Variants in PIDD1 observed in about 807,000 individuals in gnomAD.
PIDD1 encodes p53-induced death domain-containing protein 1.
Under a neutral mutation model 80.0 loss-of-function variants are expected in PIDD1, and 72 were observed. The observed-to-expected ratio is 0.90, with a 90% CI of 0.74 to 1.09. The LOEUF (loss-of-function observed/expected upper bound fraction) is 1.09. PIDD1 is among the 50% of genes least tolerant of loss of function. The pLI, the probability that PIDD1 is intolerant of heterozygous loss-of-function variation, is 0.00. For missense variants in PIDD1, 1,329 were observed against 1,228.3 expected (o/e 1.08, Z -1.23); for synonymous variants, 655 against 543.5 (o/e 1.21, Z -2.85).
At position 801,485 on chromosome 11, in the gene PIDD1, G is replaced by C. The variant is rs752052932; in HGVS notation, c.1442C>G (p.Pro481Arg). Residue 481 changes from proline to arginine, a missense_variant, in exon 8 of 16, where the codon CCC becomes CGC. By Grantham distance (103) the Pro-to-Arg change is moderately radical. Transcript: ENST00000347755. ...SGHPGVKVIF[P>R]PGATEEPRRV... Reference sequence around the variant, plus strand: ...ACGAGGCTCCTCAGTGGCCCCAGGGGGGAAGATGACTTTGACCCCAGGATG... The same window carrying C: ...ACGAGGCTCCTCAGTGGCCCCAGGGCGGAAGATGACTTTGACCCCAGGATG... 3.2e-6 allele frequency: 5 copies of C among 1,547,668 alleles called. No individual in the cohort carries two copies. The highest frequency in any genetic ancestry group is 2.4e-5 in the South Asian group (2 of 82,254).
intron 3 of PIDD1, 137 bp from the exon 4 acceptor site, chr11:803,028 G>A: frequency 1.0e-6 from 1 of 968,224 alleles, no homozygotes; most frequent in Admixed American, 2.4e-5. Context: ...AAGCCACTGA[G>A]GGAGTCTCAA....
intron 3 of PIDD1, 62 bp downstream of exon 3, chr11:803,112 G>A (rs143607801): frequency 2.1e-5 from 27 of 1,256,328 alleles, no homozygotes; most frequent in Non-Finnish European, 2.8e-5. Flanking sequence ...CCCTGCAGAA[G>A]ACAGGCAGGC....
rs1249405531 is a variant in PIDD1, at chr11:802,720, G to A, written c.881C>T (p.Pro294Leu). ...DAPFVRLQGN[P>L]LGEASPDAPS... Reference sequence around the variant, plus strand: ...GGCGTCTGGCGAGGCCTCACCCAGGGGGTTCCCCTGCAGGCGCACAAAGGG... The same window carrying A: ...GGCGTCTGGCGAGGCCTCACCCAGGAGGTTCCCCTGCAGGCGCACAAAGGG... Residue 294 changes from proline to leucine, a missense_variant, in exon 4 of 16, where the codon CCC becomes CTC. Pro to Leu is a moderately conservative substitution (Grantham distance 98). Transcript: ENST00000347755. The A allele has an allele frequency of 3.1e-6, 5 of 1,611,964 alleles. No individual in the cohort carries two copies. The highest frequency in any genetic ancestry group is 4.2e-6 in the Non-Finnish European group (5 of 1,179,506).
chr11:804,676 C>A, intron 1 of PIDD1: 1 of 431,846 alleles, frequency 2.3e-6, no homozygotes, highest in Non-Finnish European at 4.1e-6. Flanking sequence ...CTCGCAGGAG[C>A]ACCGGGCAGG....
In PIDD1 at chr11:802,836, C is replaced by G; in HGVS notation, c.765G>C (p.Val255=). 1 of 1,594,980 alleles carries G rather than the reference C, an allele frequency of 6.3e-7. No homozygotes were observed. The highest frequency in any genetic ancestry group is 1.1e-5 in the South Asian group (1 of 88,590). Residue 255 remains valine (V), a synonymous_variant, in exon 4 of 16, where the codon GTG becomes GTC. Transcript: ENST00000347755. ...LVLHSNLLAS[V]PADLARLPLL... is the part of the protein sequence containing the mutation. ...GTGGAAGGCGGGCCAAGTCAGCTGG[C>G]ACAGAGGCCAGGAGGTTGCTGTGCA...
At chr11:809,391 A>G (rs1057480029), upstream of PIDD1, 1 of 152,244 alleles carries the variant, frequency 6.6e-6, no homozygotes, top group African/African-American at 2.4e-5. Context: ...GCAGTCGCTA[A>G]GTCCGAGGCG....
At chr11:806,289 T>C (rs567861026), upstream of PIDD1, among the ~76,000 whole-genome samples, 2 of 151,816 alleles carry the variant, frequency 1.3e-5, no homozygotes, top group South Asian at 4.2e-4. Context: ...CACCACCAGC[T>C]ATGCCTGCTT....
chr11:803,514 G>A lies in PIDD1; in HGVS notation c.369C>T (p.Gly123=). 2.5e-6 allele frequency: 4 copies of A among 1,613,404 alleles called. No individual in the cohort carries two copies. The highest frequency in any genetic ancestry group is 1.6e-4 in the Middle Eastern group (1 of 6,062). ...GGTCCAGGTGGGCCAGATGGGCCAG[G>A]CCACTCAGACCAGCGGGCAGGTTGG... is the stretch of plus-strand genomic sequence containing the variant. ...ALTNLPAGLS[G]LAHLAHLDLS... The change falls in exon 3 of 16, where the codon GGC becomes GGT. Residue 123 remains glycine, a synonymous_variant. Coordinates refer to ENST00000347755, the MANE Select transcript of PIDD1 (RefSeq NM_145886.4).
intron 4 of PIDD1, 42 bp from the exon 5 acceptor site, chr11:802,639 T>A (rs1255185373): frequency 6.2e-7 from 1 of 1,605,160 alleles, no homozygotes. Context: ...GTGAGGAGAC[T>A]CATGTCCTAT....
In PIDD1 at chr11:799,358, G is replaced by T. The variant is rs11820580; in HGVS notation, c.2682C>A (p.Pro894=). The T allele has an allele frequency of 7.4e-6, 12 of 1,610,888 alleles. No homozygotes were observed. Among genetic ancestry groups the T allele is most frequent in the Non-Finnish European group, 9.3e-6 (11 of 1,179,676 alleles). The change falls in exon 16 of 16, where the codon CCC becomes CCA. Residue 894 remains proline (P), a synonymous_variant. Transcript: ENST00000347755. ...GTGGAGCCGAGGAGCCAGGCAGAGC[G>T]GGGTCCTTGGGGGCCAAGCCCATGC... is the stretch of plus-strand genomic sequence containing the variant. ...IRRMGLAPKD[P]ALPGSSAPQP...
chr11:799,439 T>TTCAGCCACGTCC lies in PIDD1; in HGVS notation c.2589_2600dup (p.Asp864_Glu867dup). On this transcript the variant is annotated inframe_insertion, in exon 16 of 16. Coordinates refer to ENST00000347755, the MANE Select transcript of PIDD1 (RefSeq NM_145886.4). ...CGAGCTCCAAGACTGCGCGCACCTC[T>TTCAGCCACGTCC]TCAGCCACGTCCTGCCGGTCACTCT... The TTCAGCCACGTCC allele has an allele frequency of 6.2e-7, 1 of 1,610,962 alleles. No individual in the cohort carries two copies. Among genetic ancestry groups the TTCAGCCACGTCC allele is most frequent in the Non-Finnish European group, 8.5e-7 (1 of 1,179,884 alleles).
Position 799,462 on chromosome 11 carries a change from T to G in PIDD1, c.2578A>C (p.Ser860Arg). ...TCTTCAGCCACGTCCTGCCGGTCAC[T>G]CTGCTCCAGGGCCTGCACCAGGAGC... ...VGLLVQALEQSDRQDVAEEVR... is the reference protein window; with the variant it reads ...VGLLVQALEQRDRQDVAEEVR... The change falls in exon 16 of 16, where the codon AGT (serine) becomes CGT (arginine). Residue 860 changes from serine to arginine, a missense_variant. Ser to Arg is a moderately radical substitution (Grantham distance 110, BLOSUM62 -1). Transcript: ENST00000347755. The G allele has an allele frequency of 6.2e-7, 1 of 1,609,992 alleles. No individual in the cohort carries two copies. Among genetic ancestry groups the G allele is most frequent in the South Asian group, 1.1e-5 (1 of 91,078 alleles).
chr11:801,036 A>T lies in PIDD1; in HGVS notation c.1715T>A (p.Val572Asp), dbSNP rs980913772. Residue 572 changes from valine (V) to aspartate (D), a missense_variant, in exon 10 of 16, where the codon GTC becomes GAC. Coordinates refer to ENST00000347755, the MANE Select transcript of PIDD1 (RefSeq NM_145886.4). ...ATWDDITAQV[V>D]LELTHLYARF... ...TGCGTACAGGTGGGTGAGCTCCAGG[A>T]CCACCTGAGCTGTGATGTCATCCCA... 6.9e-6 allele frequency: 11 copies of T among 1,602,022 alleles called. No homozygotes were observed. Among genetic ancestry groups the T allele is most frequent in the Non-Finnish European group, 9.4e-6 (11 of 1,174,896 alleles).
Position 804,374 on chromosome 11 carries a change from C to T in PIDD1, c.15G>A (p.Val5=). The T allele has an allele frequency of 6.3e-7, 1 of 1,596,078 alleles. No individual in the cohort carries two copies. The highest frequency in any genetic ancestry group is 1.3e-5 in the African/African-American group (1 of 74,720). The change falls in exon 2 of 16, where the codon GTG becomes GTA. Residue 5 remains valine, a synonymous_variant. Coordinates refer to ENST00000347755, the MANE Select transcript of PIDD1 (RefSeq NM_145886.4). ...CAGCTGCCTCCAGCTCTGGCCCCTC[C>T]ACCGTTGCAGCCATCGCCCACCGAC... The part of the protein sequence containing the change: MAAT[V]EGPELEAAAA...
chr11:799,782 G>C (rs1565049123), intron 15 of PIDD1, 33 bp downstream of exon 15: 5 of 1,500,986 alleles, frequency 3.3e-6, no homozygotes, highest in Non-Finnish European at 4.5e-6. Context: ...CTCAGCCCTG[G>C]GGCTGGCAGC....
In PIDD1 at chr11:800,013, C is replaced by T. The variant is rs759146615; in HGVS notation, c.2276G>A (p.Arg759Lys). The T allele has an allele frequency of 6.2e-7, 1 of 1,612,706 alleles. No homozygotes were observed. Among genetic ancestry groups the T allele is most frequent in the Admixed American group, 1.7e-5 (1 of 60,022 alleles). Residue 759 changes from arginine to lysine, a missense_variant and splice_region_variant, in exon 15 of 16, where the codon AGA (arginine) becomes AAA (lysine). By Grantham distance (26) the Arg-to-Lys change is conservative (BLOSUM62 2). Transcript: ENST00000347755. ...CCGTGGCCCCTCGGACCCTCGAAGT[C>T]TCTGTTGGAAGGAAAAAGTGCATTA... ...WMATLPIKLP[R>K]LRGSEGPRRG... is the part of the protein sequence containing the mutation.
chr11:800,127 C>A lies in PIDD1; in HGVS notation c.2274+4G>T. 6.2e-7 allele frequency: 1 copy of A among 1,609,506 alleles called. No individual in the cohort carries two copies. Among genetic ancestry groups the A allele is most frequent in the Non-Finnish European group, 8.5e-7 (1 of 1,178,634 alleles). Reference sequence around the variant, plus strand: ...CCCGCCCCTCTGCTGTCCCTCAGTCCCACCGGCAGCTTGATGGGCAGAGTG... The same window carrying A: ...CCCGCCCCTCTGCTGTCCCTCAGTCACACCGGCAGCTTGATGGGCAGAGTG... On this transcript the variant is annotated splice_donor_region_variant and intron_variant, in intron 14 of 15. Coordinates refer to ENST00000347755, the MANE Select transcript of PIDD1 (RefSeq NM_145886.4).
Position 799,323 on chromosome 11 carries a change from T to C in PIDD1, c.2717A>G (p.Glu906Gly). ...LPGSSAPQPP[E>G]PAQA ...CTGTGGGGCCTAGGCCTGGGCAGGC[T>C]CTGGGGGCTGTGGAGCCGAGGAGCC... The change falls in exon 16 of 16, where the codon GAG becomes GGG. Residue 906 changes from glutamate to glycine, a missense_variant. Physicochemically the swap from Glu to Gly is moderately conservative, Grantham distance 98. Transcript: ENST00000347755. 2 of 1,604,202 alleles carry C rather than the reference T, an allele frequency of 1.2e-6. No homozygotes were observed. The highest frequency in any genetic ancestry group is 1.7e-6 in the Non-Finnish European group (2 of 1,176,872).
rs1050147993 is a variant in PIDD1, at chr11:805,229, C to T, written c.-126G>A. 12 of 983,140 alleles carry T rather than the reference C, an allele frequency of 1.2e-5. No individual in the cohort carries two copies. In the African/African-American group the frequency reaches 1.7e-4, roughly 14 times the overall value. The allele number at this position is 983,140 out of a possible 1,614,324, so 60.9% of individuals were successfully genotyped here. ...GTGGCTGCTCAGCGGGCGCTCGGCG[C>T]CTGGGATCCCGCCGGCGCGTTTCTG... On this transcript the variant is annotated 5_prime_UTR_variant, in exon 1 of 16. Transcript: ENST00000347755.
Sources: allele counts gnomAD v4.1 joint callset (sites outside exome capture counted in the v4.1 genomes callset), GRCh38; gene constraint gnomAD v4.1.1; transcripts MANE v1.5; gene names NCBI Gene and HGNC (gene_info 2026-07-23, HGNC 2026-07-21).